The following CFI variants were observed in gnomAD, a reference collection of about 807,000 sequenced individuals.
CFI encodes complement factor I, also known as C3B/C4B inactivator.
Under a neutral mutation model 78.8 loss-of-function variants are expected in CFI, and 66 were observed. The observed-to-expected ratio is 0.84, with a 90% confidence interval of 0.69 to 1.03. CFI has a LOEUF of 1.03. Among genes scored for constraint, CFI ranks in the 50% least tolerant of loss-of-function variants. The pLI is 0.00. For missense variants in CFI, 706 were observed against 704.5 expected (o/e 1.00, Z -0.02); for synonymous variants, 250 against 232.6 (o/e 1.07, Z -0.68).
At chr4:109,758,522 G>GA (rs895362429) in intron 6 of CFI, among the ~76,000 whole-genome samples, 8 of 151,922 alleles carry the variant, frequency 5.3e-5, no homozygotes, top group African/African-American at 1.9e-4. Context: ...TAAGTAAAAG[G>GA]AAAAAATGAA....
At position 109,741,195 on chromosome 4, in the gene CFI, T is replaced by A. The variant is rs1267073474; in HGVS notation, c.1535-85A>T. On this transcript the variant is annotated intron_variant, in intron 12 of 12. Transcript: ENST00000394634. ...TGCCTCCTCCATGGCATTTAACAAC[T>A]TTGGCTTTTTTACAGTTTCCTGACA... The A allele has an allele frequency of 1.1e-5, 18 of 1,599,418 alleles. No homozygotes were observed. The East Asian group carries it at 4.0e-4, about 36-fold the overall frequency.
intron 10 of CFI, among the ~76,000 whole-genome samples, chr4:109,747,917 A>G (rs1048789721): frequency 6.6e-6 from 1 of 152,120 alleles, no homozygotes; most frequent in Non-Finnish European, 1.5e-5. Flanking sequence ...TTGCACTCCT[A>G]TGAGAATCTA....
chr4:109,766,710 T>C lies in CFI; in HGVS notation c.172A>G (p.Thr58Ala). ...TGATACGGTAGTTTACAAACACAGG[T>C]GCCCTCAATGCATCTCTGCCATGGC... is the stretch of plus-strand genomic sequence containing the variant. ...CQPWQRCIEG[T>A]CVCKLPYQCP... The change falls in exon 2 of 13, where the codon ACC becomes GCC. Residue 58 changes from threonine to alanine, a missense_variant. Thr to Ala is a moderately conservative substitution (Grantham distance 58). Coordinates refer to ENST00000394634, the MANE Select transcript of CFI (RefSeq NM_000204.5). The C allele has an allele frequency of 6.2e-7, 1 of 1,614,202 alleles. No homozygotes were observed. Among genetic ancestry groups the C allele is most frequent in the Non-Finnish European group, 8.5e-7 (1 of 1,180,022 alleles).
At chr4:109,797,186 G>C (rs1732160115) in intron 1 of CFI, among the ~76,000 whole-genome samples, 1 of 152,140 alleles carries the variant, frequency 6.6e-6, no homozygotes, top group African/African-American at 2.4e-5. Flanking sequence ...ATATCACAAA[G>C]CTGCAGTAAT....
At chr4:109,732,642 G>A in the CFI span, among the ~76,000 whole-genome samples, 1 of 152,086 alleles carries the variant, frequency 6.6e-6, no homozygotes, top group Non-Finnish European at 1.5e-5. Flanking sequence ...CAGATCACGA[G>A]GTCAGGAGAT....
downstream of CFI, among the ~76,000 whole-genome samples, chr4:109,738,279 T>A (rs1210106807): frequency 6.6e-6 from 1 of 152,006 alleles, no homozygotes; most frequent in African/African-American, 2.4e-5. Flanking sequence ...CACTCCCAGC[T>A]TTTTTTGTGT....
At chr4:109,764,366 A>C (rs1161013703) in intron 3 of CFI, 171 bp downstream of exon 3, 4 of 729,642 alleles carry the variant, frequency 5.5e-6, no homozygotes, top group Non-Finnish European at 9.5e-6. Flanking sequence ...CAGGGTTCCA[A>C]GTGTTGGGTA....
At chr4:109,788,667 AT>A (rs1228083908) in intron 1 of CFI, among the ~76,000 whole-genome samples, 3 of 152,098 alleles carry the variant, frequency 2.0e-5, no homozygotes, top group Non-Finnish European at 4.4e-5. Context: ...TAAGAAAATT[AT>A]TTTTAGTAAA....
At chr4:109,735,534 T>C in the CFI span, among the ~76,000 whole-genome samples, 2 of 152,234 alleles carry the variant, frequency 1.3e-5, no homozygotes, top group South Asian at 2.1e-4. Context: ...TTCTATTTTT[T>C]AGTATTTTCC....
In CFI at chr4:109,753,452, TTTA is replaced by T. The variant is rs1203825834; in HGVS notation, c.905-952_905-950del. Among the ~76,000 whole-genome samples the T allele has an allele frequency of 1.3e-4, 9 of 68,564 alleles. 2 individuals carry two copies. The highest frequency in any genetic ancestry group is 2.7e-4 in the African/African-American group (4 of 14,756). The allele number at this position is 68,564 out of a possible 152,430, so 45.0% of individuals were successfully genotyped here. A position where few individuals can be genotyped will look rare whatever the true frequency, so the allele number is the denominator to read the frequency against. On this transcript the variant is annotated intron_variant, in intron 7 of 12. Transcript: ENST00000394634. ...TAATATATTTATTATATAATAAATA[TTTA>T]TATATATATTTATATTAATAAATAT...
chr4:109,732,739 C>A, the CFI span, among the ~76,000 whole-genome samples: 1 of 151,730 alleles, frequency 6.6e-6, no homozygotes, highest in Non-Finnish European at 1.5e-5. Flanking sequence ...CACCTGTAGT[C>A]CCAGCTACTC....
chr4:109,743,976 C>T (rs755906868), intron 11 of CFI, among the ~76,000 whole-genome samples: 1 of 151,682 alleles, frequency 6.6e-6, no homozygotes, highest in Non-Finnish European at 1.5e-5. Context: ...CAGAGCAAGA[C>T]CCTGTCTCAA....
At chr4:109,741,392 G>T in intron 12 of CFI, 1 of 983,198 alleles carries the variant, frequency 1.0e-6, no homozygotes, top group East Asian at 1.1e-4. Context: ...CCTGAAAGTT[G>T]CATCAAATGC....
intron 1 of CFI, among the ~76,000 whole-genome samples, chr4:109,786,237 G>A (rs912247742): frequency 4.0e-5 from 6 of 151,878 alleles, no homozygotes; most frequent in African/African-American, 1.5e-4. Flanking sequence ...CACCATAATG[G>A]CCAGGCTGGT....
chr4:109,797,300 A>C (rs1732174259), intron 1 of CFI, among the ~76,000 whole-genome samples: 1 of 152,218 alleles, frequency 6.6e-6, no homozygotes, highest in South Asian at 2.1e-4. Flanking sequence ...GCTCTTCAAC[A>C]AGGGAGCCAA....
intron 1 of CFI, among the ~76,000 whole-genome samples, chr4:109,788,708 T>C (rs1731032395): frequency 6.6e-6 from 1 of 151,982 alleles, no homozygotes; most frequent in South Asian, 2.1e-4. Flanking sequence ...TAATGAATTA[T>C]GAAGAAAATG....
chr4:109,749,771 T>C (rs1724919843), intron 8 of CFI, among the ~76,000 whole-genome samples, 169 bp from the exon 9 acceptor site: 1 of 152,172 alleles, frequency 6.6e-6, no homozygotes, highest in African/African-American at 2.4e-5. Flanking sequence ...TCATCTTATT[T>C]AAAAATTCTG....
At chr4:109,756,905 GAAA>G (rs548000203) in intron 7 of CFI, among the ~76,000 whole-genome samples, 1 of 56,400 alleles carries the variant, frequency 1.8e-5, no homozygotes, top group African/African-American at 6.4e-5. Flanking sequence ...AAGAAAGAAA[GAAA>G]GAAAGAAAGA....
chr4:109,757,922 T>C (rs541667655), intron 6 of CFI, 139 bp from the exon 7 acceptor site: 32 of 1,440,426 alleles, frequency 2.2e-5, no homozygotes, highest in South Asian at 1.8e-4. Flanking sequence ...TTTTCTATTA[T>C]AAAAATGATT....
Sources: gnomAD v4.1 joint callset for allele counts (sites outside exome capture counted in the v4.1 genomes callset) on GRCh38, gnomAD v4.1.1 for gene constraint, MANE v1.5 for transcripts, NCBI Gene and HGNC (gene_info 2026-07-23, HGNC 2026-07-21) for gene names.